AGPS: variants seen among roughly 807,000 people sequenced by gnomAD.
AGPS encodes alkyldihydroxyacetonephosphate synthase, peroxisomal.
A neutral mutation model predicts 90.7 loss-of-function variants in AGPS; 26 were observed. That is an observed-to-expected ratio of 0.29 (90% CI 0.21 to 0.40). The LOEUF (loss-of-function observed/expected upper bound fraction) is 0.40. AGPS is among the 10% of genes least tolerant of loss of function. The probability of loss-of-function intolerance (pLI) is 1.00; values close to 1 mark genes in which losing one functional copy is unlikely to be tolerated. For missense variants in AGPS, 540 were observed against 816.1 expected (o/e 0.66, Z 4.12); for synonymous variants, 294 against 285.3 (o/e 1.03, Z -0.31).
intron 12 of AGPS, among the ~76,000 whole-genome samples, chr2:177,494,199 A>T (rs1210085931): frequency 6.6e-6 from 1 of 152,214 alleles, no homozygotes; most frequent in Non-Finnish European, 1.5e-5. Flanking sequence ...CATGTCTAAA[A>T]GTAAGCTGAG....
intron 1 of AGPS, among the ~76,000 whole-genome samples, chr2:177,401,949 A>G (rs1277194410): frequency 1.3e-5 from 2 of 152,144 alleles, no homozygotes; most frequent in African/African-American, 2.4e-5. Context: ...TTTCACATTC[A>G]TTTTGTGCAT....
intron 1 of AGPS, among the ~76,000 whole-genome samples, chr2:177,410,812 C>T (rs1444811806): frequency 1.3e-5 from 2 of 152,246 alleles, no homozygotes; most frequent in East Asian, 3.9e-4. Flanking sequence ...CCCCAGGCAC[C>T]CTCAGTCCTG....
intron 5 of AGPS, among the ~76,000 whole-genome samples, chr2:177,439,430 A>T (rs1401022287): frequency 2.6e-5 from 4 of 152,164 alleles, no homozygotes; most frequent in Non-Finnish European, 5.9e-5. Context: ...TTCCTAGAAG[A>T]TAATTTTGCC....
intron 16 of AGPS, among the ~76,000 whole-genome samples, chr2:177,509,703 A>T (rs1190798885): frequency 1.3e-5 from 2 of 151,546 alleles, no homozygotes; most frequent in African/African-American, 4.8e-5. Flanking sequence ...GCAGCTATTC[A>T]TAGTGGTCTC....
intron 5 of AGPS, among the ~76,000 whole-genome samples, chr2:177,438,983 T>TACGCACACACACACAC: frequency 6.7e-6 from 1 of 150,066 alleles, no homozygotes; most frequent in East Asian, 2.0e-4. Context: ...ATTCTTGCAA[T>TACGCACACACACACAC]ACACACACAC....
At chr2:177,491,904 GCCTC>G (rs530826516) in intron 11 of AGPS, among the ~76,000 whole-genome samples, 9 of 151,706 alleles carry the variant, frequency 5.9e-5, no homozygotes, top group Non-Finnish European at 1.0e-4. Flanking sequence ...TCATGCCTCA[GCCTC>G]CCAAGTAGCT....
chr2:177,467,802 A>G (rs1472547813), intron 9 of AGPS, among the ~76,000 whole-genome samples: 1 of 152,148 alleles, frequency 6.6e-6, no homozygotes, highest in East Asian at 1.9e-4. Context: ...AGATCTCAGG[A>G]ACTATTTTTA....
chr2:177,463,534 C>A (rs939623688), intron 9 of AGPS, among the ~76,000 whole-genome samples: 4 of 152,028 alleles, frequency 2.6e-5, no homozygotes, highest in Non-Finnish European at 5.9e-5. Flanking sequence ...TCATCAATAT[C>A]TTTGTTATTA....
chr2:177,497,687 A>T lies in AGPS; in HGVS notation c.1286-2A>T. 1 of 1,550,984 alleles carries T rather than the reference A, an allele frequency of 6.4e-7. No individual in the cohort carries two copies. The highest frequency in any genetic ancestry group is 1.8e-5 in the Admixed American group (1 of 56,548). On this transcript the variant is annotated splice_acceptor_variant, in intron 12 of 19. Coordinates refer to ENST00000264167, the MANE Select transcript of AGPS (RefSeq NM_003659.4). LOFTEE classifies it high-confidence loss of function. The stretch of plus-strand genomic sequence containing the variant: ...TTAATATAAACTTTTTTCTCTTCTT[A>T]GGTCATGCTCTTAAACCTCAGGTTT...
Position 177,534,436 on chromosome 2 carries a change from T to A in AGPS, c.1856-3638T>A, listed in dbSNP as rs975821719. On this transcript the variant is annotated intron_variant, in intron 19 of 19. Transcript: ENST00000264167. ...AAAGTAAAGTTTTAAAAATGTACTA[T>A]GTGTTGTGGAAGAATACACACAACT... is the stretch of plus-strand genomic sequence containing the variant. Among the ~76,000 whole-genome samples, 3 of 152,202 alleles carry A rather than the reference T, an allele frequency of 2.0e-5. No individual in the cohort carries two copies. The South Asian group carries it at 6.2e-4, about 31-fold the overall frequency.
intron 14 of AGPS, among the ~76,000 whole-genome samples, chr2:177,504,181 T>C (rs1184347038): frequency 6.6e-6 from 1 of 152,214 alleles, no homozygotes; most frequent in African/African-American, 2.4e-5. Context: ...TTCTGTTTCC[T>C]AGACCTGTGG....
rs1269489754 is a variant in AGPS at position 177,542,968 on chromosome 2, A to G, written c.*4773A>G. On this transcript the variant is annotated 3_prime_UTR_variant, in exon 20 of 20. Coordinates refer to ENST00000264167, the MANE Select transcript of AGPS (RefSeq NM_003659.4). ...AGAACATGTCAGGAATTAAGCAGTT[A>G]TATGTGGAAACACTGGTAATTCTTT... The G allele has an allele frequency of 2.0e-5, 3 of 152,334 alleles. No individual in the cohort carries two copies. Among genetic ancestry groups the G allele is most frequent in the African/African-American group, 7.2e-5 (3 of 41,578 alleles). 9.4% of individuals were successfully genotyped at this position (152,334 alleles called of 1,614,324 possible). A position where few individuals can be genotyped will look rare whatever the true frequency, so the allele number is the denominator to read the frequency against.
chr2:177,529,948 C>T (rs979331787), intron 19 of AGPS, among the ~76,000 whole-genome samples: 3 of 152,158 alleles, frequency 2.0e-5, no homozygotes, highest in African/African-American at 7.2e-5. Context: ...CAACACTTAA[C>T]GTGTTAATCT....
chr2:177,436,161 G>A (rs1209548785), intron 3 of AGPS, among the ~76,000 whole-genome samples: 5 of 3,342 alleles, frequency 1.5e-3, no homozygotes, highest in Non-Finnish European at 3.9e-3. Context: ...TTTTTTTTGC[G>A]ACAGAGTCTC....
Position 177,427,434 on chromosome 2 carries a change from A to G in AGPS, c.351-6893A>G, listed in dbSNP as rs532535777. 1.8e-4 allele frequency among the ~76,000 whole-genome samples: 27 copies of G among 152,156 alleles called. 1 individual carries two copies. The South Asian group carries it at 4.4e-3, about 25-fold the overall frequency. On this transcript the variant is annotated intron_variant, in intron 2 of 19. Transcript: ENST00000264167. ...TGGTTCTCTAGTTCTTTTAGTTGTC[A>G]TGTTAGGTTGTTAATTTGAGATCTT...
chr2:177,479,390 A>G (rs1205670749), intron 10 of AGPS, among the ~76,000 whole-genome samples: 1 of 152,212 alleles, frequency 6.6e-6, no homozygotes, highest in African/African-American at 2.4e-5. Flanking sequence ...GAATAGGATC[A>G]AAATTTTTTC....
intron 1 of AGPS, chr2:177,393,459 ATCTC>A (rs942765518): frequency 5.1e-6 from 5 of 985,266 alleles, no homozygotes; most frequent in African/African-American, 3.5e-5. Flanking sequence ...GATCATAGGA[ATCTC>A]TCTCATTCGC....
intron 8 of AGPS, among the ~76,000 whole-genome samples, chr2:177,452,585 T>A (rs1377775361): frequency 1.3e-5 from 2 of 152,030 alleles, no homozygotes; most frequent in Non-Finnish European, 2.9e-5. Context: ...GTTTTTCTTA[T>A]AGGCAGCATA....
At chr2:177,395,284 G>T (rs1685141026) in intron 1 of AGPS, among the ~76,000 whole-genome samples, 1 of 152,176 alleles carries the variant, frequency 6.6e-6, no homozygotes, top group East Asian at 1.9e-4. Context: ...CAAGATGATG[G>T]TTGAAGGTGA....
Sources: allele counts gnomAD v4.1 joint callset (sites outside exome capture counted in the v4.1 genomes callset), GRCh38; gene constraint gnomAD v4.1.1; transcripts MANE v1.5; gene names NCBI Gene and HGNC (gene_info 2026-07-23, HGNC 2026-07-21).